The following EFCAB6 variants were observed in gnomAD, a reference collection of about 807,000 sequenced individuals.
EFCAB6 encodes EF-hand calcium binding domain 6, also known as EF-hand calcium-binding domain-containing protein 6.
EFCAB6 carries 156 observed loss-of-function variants against 169.8 expected under a neutral mutation model. That is an observed-to-expected ratio of 0.92 (90% CI 0.81 to 1.05). EFCAB6 has a LOEUF of 1.05. EFCAB6 is among the 50% of genes least tolerant of loss of function. EFCAB6 has a pLI of 0.00. For synonymous variants in EFCAB6, 698 were observed against 676.4 expected (o/e 1.03, Z -0.50); for missense variants, 1,800 against 1,829.1 (o/e 0.98, Z 0.29).
intron 13 of EFCAB6, among the ~76,000 whole-genome samples, 154 bp downstream of exon 13, chr22:43,677,842 G>A (rs547315842): frequency 2.6e-5 from 4 of 151,840 alleles, no homozygotes; most frequent in Non-Finnish European, 5.9e-5. Flanking sequence ...AAATCAAAGT[G>A]CTTAAACACT....
intron 24 of EFCAB6, among the ~76,000 whole-genome samples, chr22:43,580,959 C>T (rs986647544): frequency 1.3e-5 from 2 of 152,202 alleles, no homozygotes; most frequent in South Asian, 4.1e-4. Flanking sequence ...GGGTTCGTGG[C>T]TTTGCAGAAG....
chr22:43,664,329 C>T (rs1451534602), intron 17 of EFCAB6, among the ~76,000 whole-genome samples: 1 of 152,220 alleles, frequency 6.6e-6, no homozygotes, highest in East Asian at 1.9e-4. Context: ...AATACATGCT[C>T]ACTGGGCCCT....
rs921849092 is a variant in EFCAB6 at position 43,650,566 on chromosome 22, G to A, written c.1984-15350C>T. ...ACAGTAAATTGGTACCAGTAGAGTG[G>A]GGCATTGCTGAAAAGATACCTGAAA... On this transcript the variant is annotated intron_variant, in intron 17 of 31. Transcript: ENST00000262726. Among the ~76,000 whole-genome samples, 12 of 152,168 alleles carry A rather than the reference G, an allele frequency of 7.9e-5. No individual in the cohort carries two copies. The South Asian group carries it at 2.5e-3, about 32-fold the overall frequency.
At chr22:43,724,883 G>A (rs1368945526) in intron 8 of EFCAB6, among the ~76,000 whole-genome samples, 2 of 152,080 alleles carry the variant, frequency 1.3e-5, no homozygotes, top group Non-Finnish European at 2.9e-5. Context: ...CACATTTCCA[G>A]TTATCTGTAT....
chr22:43,539,547 T>C (rs573506210), intron 28 of EFCAB6, among the ~76,000 whole-genome samples: 44 of 152,276 alleles, frequency 2.9e-4, no homozygotes, highest in African/African-American at 7.5e-4. Flanking sequence ...CCTGATGACA[T>C]TGCCATCCCT....
At chr22:43,543,916 T>A (rs1338050273) in intron 27 of EFCAB6, among the ~76,000 whole-genome samples, 1 of 152,006 alleles carries the variant, frequency 6.6e-6, no homozygotes, top group African/African-American at 2.4e-5. Context: ...GTTCTAGACA[T>A]TTCTCTCTCC....
intron 15 of EFCAB6, 111 bp from the exon 16 acceptor site, chr22:43,669,156 C>T: frequency 1.0e-6 from 1 of 960,710 alleles, no homozygotes; most frequent in Non-Finnish European, 1.4e-6. Flanking sequence ...TCATCCACTG[C>T]TGGTGGGAAT....
At chr22:43,533,967 A>C (rs2047233489) in intron 30 of EFCAB6, among the ~76,000 whole-genome samples, 2 of 152,206 alleles carry the variant, frequency 1.3e-5, no homozygotes, top group Non-Finnish European at 2.9e-5. Flanking sequence ...ATTAACAAAA[A>C]CAAGGCTGGG....
intron 10 of EFCAB6, among the ~76,000 whole-genome samples, chr22:43,688,914 G>T (rs184870766): frequency 2.0e-5 from 3 of 152,184 alleles, no homozygotes; most frequent in Non-Finnish European, 4.4e-5. Context: ...GGCTGACAGC[G>T]AACTGGTTAG....
In EFCAB6 at chr22:43,560,004, A is replaced by G. The variant is rs112855986; in HGVS notation, c.3421-4908T>C. Among the ~76,000 whole-genome samples, 35 of 152,360 alleles carry G rather than the reference A, an allele frequency of 2.3e-4. 1 individual carries two copies. The highest frequency in any genetic ancestry group is 8.4e-4 in the African/African-American group (35 of 41,586). On this transcript the variant is annotated intron_variant, in intron 26 of 31. Transcript: ENST00000262726. ...TGTAACAAACCTGCATGTTCTGTAC[A>G]TGTATCCCAGAACTGAAAGTAAAAT... is the stretch of plus-strand genomic sequence containing the variant.
chr22:43,763,341 CT>C (rs911452311), intron 5 of EFCAB6, among the ~76,000 whole-genome samples: 4 of 151,214 alleles, frequency 2.6e-5, no homozygotes, highest in Non-Finnish European at 4.4e-5. Flanking sequence ...GCCCGGCCAT[CT>C]TTTTTTTTAA....
chr22:43,735,019 C>T (rs1435727245), intron 7 of EFCAB6, among the ~76,000 whole-genome samples: 1 of 151,930 alleles, frequency 6.6e-6, no homozygotes, highest in African/African-American at 2.4e-5. Context: ...TGGTCTGGAG[C>T]GTATTTAGAA....
chr22:43,563,048 A>C (rs1206764882), intron 26 of EFCAB6, among the ~76,000 whole-genome samples: 2 of 152,164 alleles, frequency 1.3e-5, no homozygotes, highest in African/African-American at 2.4e-5. Flanking sequence ...GGCCTGCGGC[A>C]CCAGGGCCAG....
At chr22:43,769,719 C>G (rs926190081) in intron 4 of EFCAB6, among the ~76,000 whole-genome samples, 3 of 151,958 alleles carry the variant, frequency 2.0e-5, no homozygotes, top group Non-Finnish European at 4.4e-5. Context: ...GTTGGAGGAG[C>G]CATCAAAGCC....
At chr22:43,558,257 A>G (rs1008112217) in intron 26 of EFCAB6, among the ~76,000 whole-genome samples, 1 of 152,246 alleles carries the variant, frequency 6.6e-6, no homozygotes, top group African/African-American at 2.4e-5. Context: ...GATTCAAGCT[A>G]AAAGTACAAA....
intron 10 of EFCAB6, among the ~76,000 whole-genome samples, chr22:43,705,683 T>G (rs1235466637): frequency 6.6e-6 from 1 of 151,970 alleles, no homozygotes; most frequent in South Asian, 2.1e-4. Flanking sequence ...ATTTAAAATA[T>G]CTTAAGACAA....
chr22:43,599,875 T>C (rs2052364126), intron 23 of EFCAB6, among the ~76,000 whole-genome samples, 194 bp downstream of exon 23: 1 of 152,184 alleles, frequency 6.6e-6, no homozygotes, highest in Non-Finnish European at 1.5e-5. Context: ...CTGGGTAAGA[T>C]GGAATGGGCT....
chr22:43,635,938 C>T (rs753493169), intron 17 of EFCAB6, among the ~76,000 whole-genome samples: 1 of 152,192 alleles, frequency 6.6e-6, no homozygotes, highest in African/African-American at 2.4e-5. Flanking sequence ...CCAGACAGAG[C>T]TGCCTGCGTG....
chr22:43,725,647 T>G (rs1265311355), intron 8 of EFCAB6, among the ~76,000 whole-genome samples: 2 of 152,154 alleles, frequency 1.3e-5, no homozygotes, highest in African/African-American at 4.8e-5. Context: ...ACCATGAGTT[T>G]TACACTTTAG....
Sources: gnomAD v4.1 joint callset for allele counts (sites outside exome capture counted in the v4.1 genomes callset) on GRCh38, gnomAD v4.1.1 for gene constraint, MANE v1.5 for transcripts, NCBI Gene and HGNC (gene_info 2026-07-23, HGNC 2026-07-21) for gene names.